The following MYO18A variants were observed in gnomAD, a reference collection of about 807,000 sequenced individuals.
The protein encoded by MYO18A is myosin XVIIIA.
Under a neutral mutation model 235.8 loss-of-function variants are expected in MYO18A, and 78 were observed. The observed-to-expected ratio is 0.33, with a 90% CI of 0.28 to 0.40. The LOEUF (loss-of-function observed/expected upper bound fraction) is 0.40. MYO18A is among the 10% of genes least tolerant of loss of function. The pLI, the probability that MYO18A is intolerant of heterozygous loss-of-function variation, is 1.00. For missense variants in MYO18A, 2,215 were observed against 2,699.3 expected (o/e 0.82, Z 3.98); for synonymous variants, 977 against 1,077.8 (o/e 0.91, Z 1.83).
At chr17:29,091,814 T>C (rs544994448) in intron 34 of MYO18A, 500 of 375,624 alleles carry the variant, frequency 1.3e-3, no homozygotes, top group African/African-American at 9.4e-3. Flanking sequence ...CCAGTGATGC[T>C]CAAGGAGCTG....
intron 2 of MYO18A, 48 bp from the exon 3 acceptor site, chr17:29,122,301 G>T (rs1454231780): frequency 1.6e-5 from 24 of 1,546,144 alleles, no homozygotes; most frequent in Non-Finnish European, 2.1e-5. Flanking sequence ...GGAAGACAGG[G>T]ACAAGGACAG....
At chr17:29,094,481 A>G (rs1378931677) in intron 30 of MYO18A, 169 bp downstream of exon 30, 3 of 700,146 alleles carry the variant, frequency 4.3e-6, no homozygotes, top group Admixed American at 2.8e-5. Flanking sequence ...GCGTCTTCAC[A>G]CTGTGGCTGG....
chr17:29,156,295 G>T (rs928558276), intron 2 of MYO18A, among the ~76,000 whole-genome samples: 2 of 152,222 alleles, frequency 1.3e-5, no homozygotes, highest in South Asian at 2.1e-4. Flanking sequence ...GACAGACACT[G>T]CGTAGCCCCC....
In MYO18A at chr17:29,180,092, G is replaced by C. The variant is rs1032261928; in HGVS notation, c.-82+221C>G. On this transcript the variant is annotated intron_variant, in intron 1 of 41. Transcript: ENST00000527372. The surrounding 1 kb of genome is among the most constrained non-coding windows in gnomAD (Gnocchi z 6.1). ...AAGGGCCGGTGGTTCCCCCTTCCCC[G>C]CCGCTCCCGATCGGCCCCCACCCCC... 6.6e-6 allele frequency among the ~76,000 whole-genome samples: 1 copy of C among 151,858 alleles called. No individual in the cohort carries two copies. The highest frequency in any genetic ancestry group is 1.5e-5 in the Non-Finnish European group (1 of 67,878).
At chr17:29,155,877 G>A (rs72817652) in intron 2 of MYO18A, among the ~76,000 whole-genome samples, 3,734 of 152,292 alleles carry the variant, frequency 0.025, 67 homozygotes, top group Non-Finnish European at 0.035. Flanking sequence ...GAGCCCTACA[G>A]CTCCAGAAGC....
At position 29,096,874 on chromosome 17, in the gene MYO18A, A is replaced by G; in HGVS notation, c.4272T>C (p.Ala1424=). The G allele has an allele frequency of 6.3e-7, 1 of 1,581,070 alleles. No individual in the cohort carries two copies. The highest frequency in any genetic ancestry group is 8.6e-7 in the Non-Finnish European group (1 of 1,164,322). The change falls in exon 28 of 42, where the codon GCT becomes GCC. Residue 1424 remains alanine (A), a synonymous_variant. Coordinates refer to ENST00000527372, the MANE Select transcript of MYO18A (RefSeq NM_078471.4). ...GGCACTTCTTCTTGAGCTGCTGCAG[A>G]GCCCGCTGACTCTCCTCACTATCTG... is the stretch of plus-strand genomic sequence containing the variant. ...LQADSEESQR[A]LQQLKKKCQR...
At chr17:29,171,679 G>C (rs1324207772) in intron 1 of MYO18A, among the ~76,000 whole-genome samples, 1 of 150,896 alleles carries the variant, frequency 6.6e-6, no homozygotes, top group Non-Finnish European at 1.5e-5. Context: ...CAGATCGCTT[G>C]AGCTCAGGAG....
chr17:29,107,964 G>A (rs533218158), intron 19 of MYO18A, among the ~76,000 whole-genome samples: 1 of 150,500 alleles, frequency 6.6e-6, no homozygotes, highest in Non-Finnish European at 1.5e-5. Flanking sequence ...GAGGAATCGC[G>A]CATTGGCTAG....
chr17:29,131,251 C>A (rs2067465042), intron 2 of MYO18A: 1 of 346,708 alleles, frequency 2.9e-6, no homozygotes, highest in African/African-American at 2.2e-5. Flanking sequence ...CTCCATGGAG[C>A]TGTCTCACAG....
chr17:29,094,309 A>C, intron 30 of MYO18A: 1 of 598,692 alleles, frequency 1.7e-6, no homozygotes. Context: ...GGGTGGGGAC[A>C]GTCCTGCAGC....
chr17:29,087,132 A>G lies in MYO18A; in HGVS notation c.5527-11T>C. ...ACGGCTAGCCAGGCTCTGGATAGGT[A>G]GGTGGGGAAGAAAGACACAGCAGGC... On this transcript the variant is annotated splice_polypyrimidine_tract_variant and intron_variant, in intron 37 of 41. Transcript: ENST00000527372. The G allele has an allele frequency of 6.2e-7, 1 of 1,608,334 alleles. No homozygotes were observed. The highest frequency in any genetic ancestry group is 8.5e-7 in the Non-Finnish European group (1 of 1,176,362).
At chr17:29,149,560 G>A (rs908527085) in intron 2 of MYO18A, among the ~76,000 whole-genome samples, 4 of 152,260 alleles carry the variant, frequency 2.6e-5, no homozygotes, top group Middle Eastern at 3.4e-3. Context: ...ACACCTTTTC[G>A]GGCACAGAGC....
At chr17:29,093,054 A>T (rs1396827518) in intron 32 of MYO18A, 53 bp from the exon 33 acceptor site, 2 of 1,574,808 alleles carry the variant, frequency 1.3e-6, no homozygotes, top group East Asian at 4.6e-5. Context: ...GCTTCCTCCT[A>T]TCTTCCCCAA....
rs556809586 is a variant in MYO18A, at chr17:29,128,926, G to A, written c.1000-6673C>T. 16 of 773,354 alleles carry A rather than the reference G, an allele frequency of 2.1e-5. No individual in the cohort carries two copies. The South Asian group carries it at 2.3e-4, about 11-fold the overall frequency. 47.9% of individuals were successfully genotyped at this position (773,354 alleles called of 1,614,324 possible). A position where few individuals can be genotyped will look rare whatever the true frequency, so the allele number is the denominator to read the frequency against. On this transcript the variant is annotated intron_variant, in intron 2 of 41. Transcript: ENST00000527372. Reference sequence around the variant, plus strand: ...AAGTCCCATTCTAGGTGAGCCCACTGCCTCGCAGCCCAGACACAGCAGAGA... The same window carrying A: ...AAGTCCCATTCTAGGTGAGCCCACTACCTCGCAGCCCAGACACAGCAGAGA...
Position 29,166,750 on chromosome 17 carries a change from T to C in MYO18A, c.191A>G (p.Asn64Ser). 6 of 1,613,812 alleles carry C rather than the reference T, an allele frequency of 3.7e-6. No homozygotes were observed. The highest frequency in any genetic ancestry group is 5.1e-6 in the Non-Finnish European group (6 of 1,179,870). Reference sequence around the variant, plus strand: ...GCTGGCCACCTTGATGGGGATGGGGTTGGAGATTTCCAGGCGCGTCTTGGA... The same window carrying C: ...GCTGGCCACCTTGATGGGGATGGGGCTGGAGATTTCCAGGCGCGTCTTGGA... ...RESKTRLEIS[N>S]PIPIKVASGS... The change falls in exon 2 of 42, where the codon AAC becomes AGC. Residue 64 changes from asparagine (N) to serine (S), a missense_variant. Asn to Ser is a conservative substitution (Grantham distance 46). Coordinates refer to ENST00000527372, the MANE Select transcript of MYO18A (RefSeq NM_078471.4).
intron 41 of MYO18A, 116 bp from the exon 42 acceptor site, chr17:29,075,030 ATTG>A: frequency 8.0e-7 from 1 of 1,256,904 alleles, no homozygotes; most frequent in Non-Finnish European, 1.1e-6. Flanking sequence ...AAAGCCAAAC[ATTG>A]TTAAGTAAAA....
chr17:29,179,293 C>A (rs1178636693), intron 1 of MYO18A, among the ~76,000 whole-genome samples: 1 of 147,754 alleles, frequency 6.8e-6, no homozygotes, highest in Non-Finnish European at 1.5e-5. Flanking sequence ...CTCATTCTGG[C>A]CGCAACCTTT....
intron 1 of MYO18A, among the ~76,000 whole-genome samples, chr17:29,177,523 C>T (rs925273187): frequency 6.6e-6 from 1 of 152,168 alleles, no homozygotes; most frequent in Non-Finnish European, 1.5e-5. Flanking sequence ...ACCTCGGCAC[C>T]TCCCCAACTC....
rs150140656 is a variant in MYO18A, at chr17:29,074,189, G to A, written c.*581C>T. ...GGACTGCTCTCTGAAGGGTGAAGAT[G>A]GAGATGACATTCCCGAGTCGTTCTT... On this transcript the variant is annotated 3_prime_UTR_variant, in exon 42 of 42. Coordinates refer to ENST00000527372, the MANE Select transcript of MYO18A (RefSeq NM_078471.4). This position sits in a 1 kb window ranked among gnomAD's most constrained non-coding sequence, Gnocchi z 4.4. 4 of 1,601,194 alleles carry A rather than the reference G, an allele frequency of 2.5e-6. No individual in the cohort carries two copies. The highest frequency in any genetic ancestry group is 2.2e-5 in the South Asian group (2 of 89,484).
Sources: gnomAD v4.1 joint callset for allele counts (sites outside exome capture counted in the v4.1 genomes callset) on GRCh38, gnomAD v4.1.1 for gene constraint, Gnocchi (gnomAD v3.1) non-coding constraint, MANE v1.5 for transcripts, NCBI Gene and HGNC (gene_info 2026-07-23, HGNC 2026-07-21) for gene names.